DCC: variants seen among roughly 807,000 people sequenced by gnomAD.
DCC encodes the protein DCC netrin 1 receptor.
A neutral mutation model predicts 172.5 loss-of-function variants in DCC; 58 were observed. The ratio of observed to expected loss-of-function variants is 0.34; its 90% CI spans 0.27 to 0.42. The LOEUF is 0.42. DCC is among the 10% of genes least tolerant of loss of function. DCC has a pLI of 1.00. For missense variants in DCC, 1,740 were observed against 1,791.0 expected (o/e 0.97, Z 0.51); for synonymous variants, 709 against 644.5 (o/e 1.10, Z -1.52).
rs547153777 is a variant in DCC at position 52,851,595 on chromosome 18, C to T, written c.413-54449C>T. The stretch of plus-strand genomic sequence containing the variant: ...TTATCATTTCCTGAAAACCAAAATT[C>T]CCTTAGCCCTCCTAGTCTGCTCTTC... On this transcript the variant is annotated intron_variant, in intron 2 of 28. Transcript: ENST00000442544. Among the ~76,000 whole-genome samples the T allele has an allele frequency of 7.9e-5, 12 of 152,152 alleles. No homozygotes were observed. In the South Asian group the frequency reaches 2.5e-3, roughly 32 times the overall value.
chr18:52,740,695 T>C (rs1377345888), intron 1 of DCC, among the ~76,000 whole-genome samples: 1 of 152,222 alleles, frequency 6.6e-6, no homozygotes, highest in Non-Finnish European at 1.5e-5. Context: ...GTCAGCAAAG[T>C]GACCTCTGCA....
At chr18:52,376,782 A>G (rs1318657454) in intron 1 of DCC, among the ~76,000 whole-genome samples, 1 of 152,196 alleles carries the variant, frequency 6.6e-6, no homozygotes, top group Non-Finnish European at 1.5e-5. Flanking sequence ...CATGCTTTGA[A>G]TAGATAGATG....
chr18:52,812,431 CTTTA>C (rs2038219592), intron 2 of DCC, among the ~76,000 whole-genome samples: 1 of 152,144 alleles, frequency 6.6e-6, no homozygotes, highest in Admixed American at 6.5e-5. Context: ...CAACAATTCA[CTTTA>C]TTAATGTTTG....
chr18:52,360,197 G>A (rs183759273), intron 1 of DCC, among the ~76,000 whole-genome samples: 1 of 152,088 alleles, frequency 6.6e-6, no homozygotes. Flanking sequence ...GACACTTCTA[G>A]ATTATTGAGT....
chr18:52,780,074 T>A (rs1000728547), intron 2 of DCC, among the ~76,000 whole-genome samples: 1 of 152,238 alleles, frequency 6.6e-6, no homozygotes, highest in African/African-American at 2.4e-5. Flanking sequence ...TATACCTTTA[T>A]TTTAAGTGTT....
At chr18:52,480,848 A>T (rs1555687498) in intron 1 of DCC, among the ~76,000 whole-genome samples, 1 of 151,610 alleles carries the variant, frequency 6.6e-6, no homozygotes, top group Non-Finnish European at 1.5e-5. Flanking sequence ...ATACCCCCCA[A>T]TTTTTTTTCA....
At chr18:53,423,563 C>T (rs1910750241) in intron 21 of DCC, among the ~76,000 whole-genome samples, 1 of 152,296 alleles carries the variant, frequency 6.6e-6, no homozygotes. Flanking sequence ...TGTGCTTTCT[C>T]TCTTTCTCAA....
intron 12 of DCC, among the ~76,000 whole-genome samples, chr18:53,240,701 G>T (rs902859946): frequency 7.9e-5 from 12 of 152,092 alleles, no homozygotes; most frequent in Non-Finnish European, 1.0e-4. Context: ...GACTAAATAA[G>T]ATAATGCCTC....
At chr18:52,749,538 C>T (rs1014537698) in intron 1 of DCC, among the ~76,000 whole-genome samples, 3 of 152,148 alleles carry the variant, frequency 2.0e-5, no homozygotes, top group Non-Finnish European at 4.4e-5. Flanking sequence ...AGTGAGGTGC[C>T]TATATCCCAA....
chr18:53,058,022 G>T (rs1268134881), intron 5 of DCC, among the ~76,000 whole-genome samples: 2 of 152,006 alleles, frequency 1.3e-5, no homozygotes, highest in Non-Finnish European at 2.9e-5. Flanking sequence ...GGATATGTGA[G>T]CTGCTTCTTG....
At chr18:52,576,631 C>G (rs919762871) in intron 1 of DCC, among the ~76,000 whole-genome samples, 1 of 151,174 alleles carries the variant, frequency 6.6e-6, no homozygotes, top group Non-Finnish European at 1.5e-5. Flanking sequence ...AGATCGAGAC[C>G]ATCCTGGCTA....
chr18:53,528,866 A>G (rs981311289), intron 28 of DCC, among the ~76,000 whole-genome samples: 1 of 152,092 alleles, frequency 6.6e-6, no homozygotes, highest in Non-Finnish European at 1.5e-5. Context: ...GACTAGGCAC[A>G]TTTTAAGAAT....
chr18:53,216,539 T>A (rs2055853829), intron 12 of DCC, among the ~76,000 whole-genome samples: 1 of 152,216 alleles, frequency 6.6e-6, no homozygotes, highest in Non-Finnish European at 1.5e-5. Context: ...ACTATCTTCC[T>A]TATTGACTTA....
intron 25 of DCC, 106 bp downstream of exon 25, chr18:53,468,116 T>C (rs2145184208): frequency 1.4e-6 from 1 of 730,222 alleles, no homozygotes. Context: ...CCCTGAACTT[T>C]CTGGACAAAT....
intron 12 of DCC, among the ~76,000 whole-genome samples, chr18:53,287,585 T>C (rs1321805319): frequency 6.6e-6 from 1 of 152,156 alleles, no homozygotes; most frequent in Non-Finnish European, 1.5e-5. Context: ...AGAGGCAACA[T>C]CAATTTACAT....
At chr18:53,082,712 T>C (rs139471523) in intron 7 of DCC, among the ~76,000 whole-genome samples, 51 of 152,278 alleles carry the variant, frequency 3.3e-4, no homozygotes, top group South Asian at 2.5e-3. Context: ...CTCTTTCTTA[T>C]AGTTTCCACG....
intron 1 of DCC, among the ~76,000 whole-genome samples, chr18:52,573,202 C>T (rs2033340017): frequency 6.6e-6 from 1 of 151,764 alleles, no homozygotes; most frequent in South Asian, 2.1e-4. Flanking sequence ...ACTTGATTTA[C>T]TATCAATAAT....
At chr18:53,443,482 C>T (rs1406922031) in intron 22 of DCC, among the ~76,000 whole-genome samples, 2 of 152,226 alleles carry the variant, frequency 1.3e-5, no homozygotes, top group East Asian at 3.8e-4. Flanking sequence ...TGCTCGTAGT[C>T]ACCCAAGAGC....
chr18:53,305,199 G>A (rs2057185871), intron 12 of DCC, among the ~76,000 whole-genome samples: 2 of 152,004 alleles, frequency 1.3e-5, no homozygotes, highest in African/African-American at 4.8e-5. Flanking sequence ...AGCAGTGTGA[G>A]AACAGACTAA....
Sources: allele counts gnomAD v4.1 joint callset (sites outside exome capture counted in the v4.1 genomes callset), GRCh38; gene constraint gnomAD v4.1.1; transcripts MANE v1.5; gene names NCBI Gene and HGNC (gene_info 2026-07-23, HGNC 2026-07-21).